Variants in ZYG11B observed in about 807,000 individuals in gnomAD.
ZYG11B encodes zyg-11 family member B, cell cycle regulator.
Under a neutral mutation model 82.4 loss-of-function variants are expected in ZYG11B, and 36 were observed. That is an observed-to-expected ratio of 0.44 (90% CI 0.33 to 0.58). The LOEUF is 0.58. Ranked by LOEUF, ZYG11B falls within the 20% of genes least tolerant of loss-of-function variation. The pLI is 0.02. For missense variants in ZYG11B, 552 were observed against 895.6 expected, an observed-to-expected ratio of 0.62 and a Z score of 4.90; for synonymous variants, 303 against 312.8, an observed-to-expected ratio of 0.97 and a Z score of 0.33.
intron 3 of ZYG11B, among the ~76,000 whole-genome samples, chr1:52,775,933 T>C (rs1022224854): frequency 6.6e-6 from 1 of 151,368 alleles, no homozygotes; most frequent in Non-Finnish European, 1.5e-5. Flanking sequence ...ATAGAGGCAA[T>C]GTCTGGATGC....
At chr1:52,739,985 A>G (rs12124709) in intron 1 of ZYG11B, among the ~76,000 whole-genome samples, 63,272 of 152,050 alleles carry the variant, frequency 0.42, 15,354 homozygotes, top group East Asian at 0.59. Flanking sequence ...TTTAGCTTCA[A>G]TTTTTCAGAT....
At chr1:52,799,903 C>T (rs1275064413) in intron 8 of ZYG11B, among the ~76,000 whole-genome samples, 2 of 152,126 alleles carry the variant, frequency 1.3e-5, no homozygotes, top group African/African-American at 4.8e-5. Context: ...GATTTATTTT[C>T]AGTTATGTCT....
At chr1:52,751,759 A>G (rs1644526453) in intron 1 of ZYG11B, among the ~76,000 whole-genome samples, 1 of 152,172 alleles carries the variant, frequency 6.6e-6, no homozygotes, top group Admixed American at 6.6e-5. Context: ...ACTGGTGTCC[A>G]GGAGCCCCTA....
At chr1:52,740,265 G>A (rs1034699406) in intron 1 of ZYG11B, among the ~76,000 whole-genome samples, 6 of 152,194 alleles carry the variant, frequency 3.9e-5, no homozygotes, top group African/African-American at 1.4e-4. Context: ...CATGACGTTA[G>A]ATGAAAGAGC....
At chr1:52,744,593 A>T (rs1163970051) in intron 1 of ZYG11B, among the ~76,000 whole-genome samples, 1 of 152,258 alleles carries the variant, frequency 6.6e-6, no homozygotes, top group African/African-American at 2.4e-5. Context: ...CTGTAATCCC[A>T]GCACTTTGGG....
At chr1:52,802,433 G>A (rs1290778520) in intron 10 of ZYG11B, among the ~76,000 whole-genome samples, 13 of 138,878 alleles carry the variant, frequency 9.4e-5, no homozygotes, top group Non-Finnish European at 1.5e-4. Flanking sequence ...CTGCAGCCTC[G>A]ACCTCCTGCT....
At chr1:52,800,404 GTT>G (rs1558138920) in intron 8 of ZYG11B, among the ~76,000 whole-genome samples, 1 of 152,068 alleles carries the variant, frequency 6.6e-6, no homozygotes, top group Non-Finnish European at 1.5e-5. Flanking sequence ...AGGGGTGACA[GTT>G]TTAAAAAATG....
Position 52,771,524 on chromosome 1 carries a change from G to A in ZYG11B, c.701G>A (p.Arg234Gln), listed in dbSNP as rs147592833. 7.1e-5 allele frequency: 115 copies of A among 1,613,880 alleles called. No individual in the cohort carries two copies. The African/African-American group carries it at 1.2e-3, about 17-fold the overall frequency. The change falls in exon 3 of 14, where the codon CGG (arginine) becomes CAG (glutamine). Residue 234 changes from arginine to glutamine, a missense_variant. This residue lies in a region of ZYG11B where 359 missense variants were observed against 555.8 expected (regional missense o/e 0.65). Transcript: ENST00000294353. This position sits in a 1 kb window ranked among gnomAD's most constrained non-coding sequence, Gnocchi z 5.4. ...ACTACCCAGATACTGGATGTAGTTCGGGAACTCAAACATCTGAATCATCTT... is the reference window on the plus strand; with the variant it reads ...ACTACCCAGATACTGGATGTAGTTCAGGAACTCAAACATCTGAATCATCTT... ...MTTTQILDVV[R>Q]ELKHLNHLDI...
chr1:52,802,340 C>CTTTTTTTTTTT (rs397980205), intron 10 of ZYG11B, among the ~76,000 whole-genome samples: 2 of 78,070 alleles, frequency 2.6e-5, no homozygotes, highest in Non-Finnish European at 4.7e-5. Context: ...TTCTTTCTCT[C>CTTTTTTTTTTT]TTTTTTTTTT....
chr1:52,785,250 G>A (rs943721431), intron 5 of ZYG11B, among the ~76,000 whole-genome samples, 197 bp downstream of exon 5: 4 of 152,090 alleles, frequency 2.6e-5, no homozygotes, highest in Non-Finnish European at 5.9e-5. Context: ...ATATATTGGG[G>A]GACATAATAC....
In ZYG11B at chr1:52,789,051, A is replaced by G. The variant is rs561615556; in HGVS notation, c.1270-952A>G. On this transcript the variant is annotated intron_variant, in intron 5 of 13. Transcript: ENST00000294353. ...AGCACCTTGACCATCTGTGATGAAT[A>G]TAAAACTTCCTGAGAAACCCTCTTA... Among the ~76,000 whole-genome samples, 292 of 152,332 alleles carry G rather than the reference A, an allele frequency of 1.9e-3. 3 individuals carry two copies. Among genetic ancestry groups the G allele is most frequent in the Non-Finnish European group, 2.5e-3 (168 of 68,030 alleles).
chr1:52,730,647 A>G (rs1435684977), intron 1 of ZYG11B, among the ~76,000 whole-genome samples: 3 of 152,042 alleles, frequency 2.0e-5, no homozygotes, highest in Non-Finnish European at 4.4e-5. Flanking sequence ...GTAATTTTAA[A>G]TGTGAAGAGT....
intron 3 of ZYG11B, among the ~76,000 whole-genome samples, chr1:52,776,409 C>T (rs962422092): frequency 6.7e-6 from 1 of 149,488 alleles, no homozygotes; most frequent in Non-Finnish European, 1.5e-5. Flanking sequence ...TGACAGATGC[C>T]TGTTGTCCCA....
Position 52,771,109 on chromosome 1 carries a change from G to C in ZYG11B, c.286G>C (p.Val96Leu). 4 of 1,614,202 alleles carry C rather than the reference G, an allele frequency of 2.5e-6. No homozygotes were observed. Among genetic ancestry groups the C allele is most frequent in the Non-Finnish European group, 3.4e-6 (4 of 1,180,042 alleles). ...CATTCGCAAAGCAAAGATCTCTGCT[G>C]TTGCTTTCCGGAAAGCTTTCTGCCA... ...ACIRKAKISAVAFRKAFCHHK... is the reference protein window; with the variant it reads ...ACIRKAKISALAFRKAFCHHK... The change falls in exon 3 of 14, where the codon GTT (valine) becomes CTT (leucine). Residue 96 changes from valine to leucine, a missense_variant. Physicochemically the swap from Val to Leu is conservative, Grantham distance 32 (BLOSUM62 1). This residue lies in a region of ZYG11B where 359 missense variants were observed against 555.8 expected (regional missense o/e 0.65). Coordinates refer to ENST00000294353, the MANE Select transcript of ZYG11B (RefSeq NM_024646.3). This position sits in a 1 kb window ranked among gnomAD's most constrained non-coding sequence, Gnocchi z 5.4.
In ZYG11B at chr1:52,821,329, A is replaced by G. The variant is rs560617389; in HGVS notation, c.2045-110A>G. ...TAGCATGTTAGTGATCAATAACAAA[A>G]CAGCTAAAAAAAAATGGCTCCTAGA... On this transcript the variant is annotated intron_variant, in intron 13 of 13. Coordinates refer to ENST00000294353, the MANE Select transcript of ZYG11B (RefSeq NM_024646.3). 10 of 1,120,836 alleles carry G rather than the reference A, an allele frequency of 8.9e-6. No individual in the cohort carries two copies. In the South Asian group the frequency reaches 1.0e-4, roughly 12 times the overall value. 69.4% of individuals were successfully genotyped at this position (1,120,836 alleles called of 1,614,324 possible).
chr1:52,732,223 A>C (rs1644339008), intron 1 of ZYG11B, among the ~76,000 whole-genome samples: 1 of 152,220 alleles, frequency 6.6e-6, no homozygotes, highest in Non-Finnish European at 1.5e-5. Context: ...AAATAAATTG[A>C]AATCCCTTCC....
intron 8 of ZYG11B, among the ~76,000 whole-genome samples, chr1:52,797,175 TA>T (rs1645025261): frequency 1.3e-5 from 1 of 75,820 alleles, no homozygotes; most frequent in African/African-American, 5.8e-5. Context: ...ATATATTATA[TA>T]TATTTATATA....
chr1:52,757,746 G>A (rs1468030899), intron 2 of ZYG11B, among the ~76,000 whole-genome samples: 2 of 151,934 alleles, frequency 1.3e-5, no homozygotes, highest in African/African-American at 2.4e-5. Flanking sequence ...TTACTGTTAT[G>A]GAAAAACTAA....
chr1:52,812,027 TA>T (rs879417845), intron 10 of ZYG11B, among the ~76,000 whole-genome samples: 165 of 146,284 alleles, frequency 1.1e-3, no homozygotes, highest in Middle Eastern at 3.6e-3. Flanking sequence ...AGACTCCATC[TA>T]AAAAAAAAAA....
Sources: gnomAD v4.1 joint callset for allele counts (sites outside exome capture counted in the v4.1 genomes callset) on GRCh38, gnomAD v4.1.1 for gene constraint, gnomAD v4.1.1 regional missense constraint, Gnocchi (gnomAD v3.1) non-coding constraint, MANE v1.5 for transcripts, NCBI Gene and HGNC (gene_info 2026-07-23, HGNC 2026-07-21) for gene names.